The following LOXL2 variants were observed in gnomAD, a reference collection of about 807,000 sequenced individuals.
The protein encoded by LOXL2 is lysyl oxidase homolog 2.
A neutral mutation model predicts 93.0 loss-of-function variants in LOXL2; 70 were observed. The ratio of observed to expected loss-of-function variants is 0.75; its 90% CI spans 0.62 to 0.92. LOXL2 has a LOEUF of 0.92. LOXL2 is among the 40% of genes least tolerant of loss of function. The pLI is 0.00. For missense variants in LOXL2, 973 were observed against 1,054.9 expected (o/e 0.92, Z 1.08); for synonymous variants, 438 against 413.2 (o/e 1.06, Z -0.73).
intron 1 of LOXL2, among the ~76,000 whole-genome samples, chr8:23,387,961 CAAA>C (rs1216588218): frequency 6.6e-6 from 1 of 151,972 alleles, no homozygotes; most frequent in Non-Finnish European, 1.5e-5. Flanking sequence ...AACAAACAAA[CAAA>C]AAAACTTTTT....
Position 23,328,460 on chromosome 8 carries a change from C to A in LOXL2, c.1072G>T (p.Val358Leu). 6.2e-7 allele frequency: 1 copy of A among 1,614,140 alleles called. No individual in the cohort carries two copies. Residue 358 changes from valine (V) to leucine (L), a missense_variant, in exon 6 of 14, where the codon GTG becomes TTG. By Grantham distance (32) the Val-to-Leu change is conservative (BLOSUM62 1). Transcript: ENST00000389131. ...TCTCTGCAGACCACACTGGCCGACA[C>A]CAGGTCCCACTTGTCGTCGCAGACG... ...GTVCDDKWDL[V>L]SASVVCRELG...
chr8:23,315,762 C>A (rs1022083563), intron 9 of LOXL2, among the ~76,000 whole-genome samples: 1 of 152,206 alleles, frequency 6.6e-6, no homozygotes, highest in African/African-American at 2.4e-5. Flanking sequence ...CCCTCCCTGG[C>A]TCCATTTTAA....
At chr8:23,360,784 A>C (rs796946945) in intron 2 of LOXL2, among the ~76,000 whole-genome samples, 5 of 152,318 alleles carry the variant, frequency 3.3e-5, no homozygotes, top group African/African-American at 1.2e-4. Flanking sequence ...TTTTAGTGAC[A>C]CTGATTATGG....
chr8:23,349,460 A>G (rs930702869), intron 3 of LOXL2, among the ~76,000 whole-genome samples: 1 of 151,954 alleles, frequency 6.6e-6, no homozygotes, highest in Admixed American at 6.6e-5. Context: ...GCTGTGTGAG[A>G]CCCTAAAAGG....
chr8:23,379,649 C>A (rs1440903648), intron 1 of LOXL2, among the ~76,000 whole-genome samples: 6 of 63,362 alleles, frequency 9.5e-5, no homozygotes, highest in African/African-American at 6.8e-4. Context: ...GCGCCCCTCC[C>A]CCAGCCGCCT....
At chr8:23,357,839 C>T (rs935176316) in intron 3 of LOXL2, among the ~76,000 whole-genome samples, 18 of 152,200 alleles carry the variant, frequency 1.2e-4, no homozygotes, top group Admixed American at 1.3e-4. Flanking sequence ...ATGTGCTTCT[C>T]ATTGCTGTTT....
At chr8:23,388,819 G>GA (rs551867356) in intron 1 of LOXL2, among the ~76,000 whole-genome samples, 1 of 151,936 alleles carries the variant, frequency 6.6e-6, no homozygotes, top group Non-Finnish European at 1.5e-5. Context: ...GAGGGTAGGG[G>GA]AAAAAAAGAC....
At chr8:23,335,079 C>T (rs1427804471) in intron 4 of LOXL2, among the ~76,000 whole-genome samples, 7 of 152,082 alleles carry the variant, frequency 4.6e-5, no homozygotes, top group South Asian at 2.1e-4. Flanking sequence ...CCTCCCAAAG[C>T]GTTGGGATTA....
chr8:23,304,666 G>A lies in LOXL2; in HGVS notation c.1881-1269C>T, dbSNP rs962037225. Reference sequence around the variant, plus strand: ...ATGAACGGCGTCAAATAACTAATGCGAAGTGGTAGCACATTAGTCAGCACT... The same window carrying A: ...ATGAACGGCGTCAAATAACTAATGCAAAGTGGTAGCACATTAGTCAGCACT... On this transcript the variant is annotated intron_variant, in intron 10 of 13. Transcript: ENST00000389131. Among the ~76,000 whole-genome samples the A allele has an allele frequency of 7.0e-4, 106 of 152,178 alleles. 2 individuals are homozygous for A. The highest frequency in any genetic ancestry group is 2.4e-4 in the Non-Finnish European group (16 of 68,034).
chr8:23,360,317 A>C (rs1356776729), intron 2 of LOXL2, 52 bp from the exon 3 acceptor site: 8 of 1,422,140 alleles, frequency 5.6e-6, no homozygotes, highest in Non-Finnish European at 7.7e-6. Context: ...TGCAGGTCTG[A>C]GTCTTTGCGG....
chr8:23,372,023 CTTGA>C (rs1804503921), intron 1 of LOXL2, among the ~76,000 whole-genome samples: 1 of 151,856 alleles, frequency 6.6e-6, no homozygotes, highest in Admixed American at 6.6e-5. Flanking sequence ...TTAAAAAATA[CTTGA>C]TTAATCCAAA....
At chr8:23,346,290 C>A (rs1044428392) in intron 3 of LOXL2, among the ~76,000 whole-genome samples, 14 of 152,060 alleles carry the variant, frequency 9.2e-5, no homozygotes, top group Non-Finnish European at 1.6e-4. Flanking sequence ...CAAGCTAAAA[C>A]CTGATGCTAT....
intron 13 of LOXL2, 37 bp from the exon 14 acceptor site, chr8:23,298,159 T>C: frequency 6.5e-7 from 1 of 1,537,590 alleles, no homozygotes; most frequent in Non-Finnish European, 9.0e-7. Context: ...AGTGGACAAA[T>C]GAGATGCTCG....
At chr8:23,343,280 T>G (rs1803915255) in intron 3 of LOXL2, among the ~76,000 whole-genome samples, 1 of 152,206 alleles carries the variant, frequency 6.6e-6, no homozygotes, top group African/African-American at 2.4e-5. Flanking sequence ...ATGTCAAGTG[T>G]CTTCCTTGCA....
At chr8:23,402,541 G>C (rs1800165562) in intron 1 of LOXL2, 1 of 152,276 alleles carries the variant, frequency 6.6e-6, no homozygotes, top group African/African-American at 2.4e-5. Context: ...TCTGGGAACT[G>C]ACCAGGGAAA....
At chr8:23,332,798 CCA>C (rs1374568332) in intron 5 of LOXL2, among the ~76,000 whole-genome samples, 3 of 68,530 alleles carry the variant, frequency 4.4e-5, no homozygotes, top group East Asian at 5.4e-4. Context: ...ACACTCATAC[CCA>C]CACTCATACA....
intron 6 of LOXL2, among the ~76,000 whole-genome samples, chr8:23,325,476 G>T (rs1803563874): frequency 6.6e-6 from 1 of 152,142 alleles, no homozygotes; most frequent in African/African-American, 2.4e-5. Context: ...AAATTTTGTA[G>T]AGAGGGGGTC....
chr8:23,386,051 G>GA, intron 1 of LOXL2: 1 of 764,480 alleles, frequency 1.3e-6, no homozygotes, highest in Non-Finnish European at 2.4e-6. Context: ...TTTTCCTAAG[G>GA]AAAAACCGAG....
At chr8:23,311,552 G>A (rs78423644) in intron 9 of LOXL2, among the ~76,000 whole-genome samples, 2,685 of 152,320 alleles carry the variant, frequency 0.018, 58 homozygotes, top group Admixed American at 0.059. Context: ...CGCAAGGCGA[G>A]GGATCGTTAA....
Sources: allele counts gnomAD v4.1 joint callset (sites outside exome capture counted in the v4.1 genomes callset), GRCh38; gene constraint gnomAD v4.1.1; transcripts MANE v1.5; gene names NCBI Gene and HGNC (gene_info 2026-07-23, HGNC 2026-07-21).